Variants in RBM18 observed in about 807,000 individuals in gnomAD.
RBM18 encodes the protein RNA binding motif protein 18.
A neutral mutation model predicts 26.4 loss-of-function variants in RBM18; 18 were observed. That is an observed-to-expected ratio of 0.68 (90% CI 0.47 to 1.01). RBM18 has a LOEUF of 1.01. Ranked by LOEUF, RBM18 falls within the 50% of genes least tolerant of loss-of-function variation. The probability of loss-of-function intolerance (pLI) is 0.00; values close to 1 mark genes in which losing one functional copy is unlikely to be tolerated. For missense variants in RBM18, 180 were observed against 219.2 expected (o/e 0.82, Z 1.13); for synonymous variants, 74 against 81.1 (o/e 0.91, Z 0.47).
chr9:122,238,393 T>C lies in RBM18; in HGVS notation c.*3491A>G, dbSNP rs951953298. On this transcript the variant is annotated 3_prime_UTR_variant, in exon 6 of 6. Transcript: ENST00000417201. The stretch of plus-strand genomic sequence containing the variant: ...TTTGAGAAAATCGTGAGGAAAGGAT[T>C]GGAGAGTGACAGGTTGTAATTTTAA... 18 of 152,146 alleles carry C rather than the reference T, an allele frequency of 1.2e-4. No homozygotes were observed. The highest frequency in any genetic ancestry group is 4.1e-4 in the African/African-American group (17 of 41,430). 9.4% of individuals were successfully genotyped at this position (152,146 alleles called of 1,614,324 possible). A position where few individuals can be genotyped will look rare whatever the true frequency, so the allele number is the denominator to read the frequency against.
In RBM18 at chr9:122,250,068, T is replaced by TAAAAAAAA. The variant is rs59558933; in HGVS notation, c.240+1771_240+1778dup. ...CTGGGTAACAGAGCAAGACCTTATT[T>TAAAAAAAA]AAAAAAAAAAAAGAATGCTAATTCT... On this transcript the variant is annotated intron_variant, in intron 3 of 5. Coordinates refer to ENST00000417201, the MANE Select transcript of RBM18 (RefSeq NM_033117.4). Among the ~76,000 whole-genome samples, 74 of 107,152 alleles carry TAAAAAAAA rather than the reference T, an allele frequency of 6.9e-4. 26 individuals are homozygous for TAAAAAAAA. Among genetic ancestry groups the TAAAAAAAA allele is most frequent in the East Asian group, 2.7e-3 (10 of 3,662 alleles). 70.3% of individuals were successfully genotyped at this position (107,152 alleles called of 152,430 possible). A position where few individuals can be genotyped will look rare whatever the true frequency, so the allele number is the denominator to read the frequency against.
At chr9:122,242,087 T>G (rs1588376139) in intron 5 of RBM18, 44 bp from the exon 6 acceptor site, 1 of 1,597,596 alleles carries the variant, frequency 6.3e-7, no homozygotes, top group East Asian at 2.2e-5. Flanking sequence ...CTAGGTATAT[T>G]CAGAAAATAG....
rs948943475 is a variant in RBM18 at position 122,264,800 on chromosome 9, C to A, written c.-102G>T. 2 of 152,376 alleles carry A rather than the reference C, an allele frequency of 1.3e-5. No homozygotes were observed. Among genetic ancestry groups the A allele is most frequent in the African/African-American group, 4.8e-5 (2 of 41,454 alleles). 9.4% of individuals were successfully genotyped at this position (152,376 alleles called of 1,614,324 possible). ...TCAGACGGACCTCTAGACGCGTCCG[C>A]CTCAATGCCGCCAGCTGCCAGGCCG... On this transcript the variant is annotated 5_prime_UTR_variant, in exon 1 of 6. Coordinates refer to ENST00000417201, the MANE Select transcript of RBM18 (RefSeq NM_033117.4).
chr9:122,264,015 T>C (rs920521340), intron 1 of RBM18, among the ~76,000 whole-genome samples: 9 of 152,248 alleles, frequency 5.9e-5, no homozygotes, highest in Non-Finnish European at 1.0e-4. Context: ...TAATTCAATG[T>C]ATTACTTAAT....
chr9:122,243,118 G>A (rs1831450412), intron 5 of RBM18, among the ~76,000 whole-genome samples: 1 of 152,034 alleles, frequency 6.6e-6, no homozygotes, highest in African/African-American at 2.4e-5. Context: ...GTGAGCTACC[G>A]CGCCCAGCCC....
intron 2 of RBM18, among the ~76,000 whole-genome samples, chr9:122,254,029 A>G (rs556591576): frequency 6.8e-6 from 1 of 148,148 alleles, no homozygotes; most frequent in East Asian, 1.9e-4. Flanking sequence ...TTCCGTCTCA[A>G]AAAAAAAAAA....
intron 2 of RBM18, among the ~76,000 whole-genome samples, chr9:122,258,312 A>T (rs1231121980): frequency 6.6e-6 from 1 of 152,048 alleles, no homozygotes; most frequent in African/African-American, 2.4e-5. Context: ...TCTGTCGCCA[A>T]GGCTGGAGTG....
intron 3 of RBM18, among the ~76,000 whole-genome samples, chr9:122,249,705 T>C (rs1429693727): frequency 6.7e-6 from 1 of 148,200 alleles, no homozygotes; most frequent in African/African-American, 2.5e-5. Context: ...AGAGACCCTG[T>C]CTCAAAAAAA....
At chr9:122,252,120 G>T in intron 2 of RBM18, 147 bp from the exon 3 acceptor site, 2 of 1,006,354 alleles carry the variant, frequency 2.0e-6, no homozygotes, top group Non-Finnish European at 2.9e-6. Context: ...TGCTATGTTA[G>T]TTTATTTGGC....
intron 2 of RBM18, among the ~76,000 whole-genome samples, chr9:122,258,362 G>A (rs1044538649): frequency 1.2e-4 from 18 of 151,546 alleles, no homozygotes; most frequent in African/African-American, 3.6e-4. Flanking sequence ...TCTGCCCTCC[G>A]GGTTCAAGTG....
At chr9:122,248,863 T>C (rs1564455933) in intron 3 of RBM18, among the ~76,000 whole-genome samples, 6 of 152,244 alleles carry the variant, frequency 3.9e-5, no homozygotes, top group Admixed American at 3.9e-4. Flanking sequence ...CTGGTTTTAC[T>C]GGTGATTCTC....
intron 3 of RBM18, among the ~76,000 whole-genome samples, chr9:122,250,062 C>A: frequency 3.6e-4 from 1 of 2,782 alleles, no homozygotes. Context: ...AGAGCAAGAC[C>A]TTATTTAAAA....
intron 2 of RBM18, among the ~76,000 whole-genome samples, chr9:122,260,714 G>A (rs764482914): frequency 2.0e-5 from 3 of 152,168 alleles, no homozygotes; most frequent in Non-Finnish European, 4.4e-5. Flanking sequence ...GCCAAAGAAA[G>A]GGTAGTAGTT....
At chr9:122,248,217 A>C (rs1734419786) in intron 3 of RBM18, among the ~76,000 whole-genome samples, 1 of 152,204 alleles carries the variant, frequency 6.6e-6, no homozygotes, top group Admixed American at 6.5e-5. Flanking sequence ...ATAATGTATA[A>C]TCTTTAATAG....
chr9:122,264,562 G>A (rs1831920730), intron 1 of RBM18, 153 bp downstream of exon 1: 1 of 152,358 alleles, frequency 6.6e-6, no homozygotes, highest in African/African-American at 2.4e-5. Context: ...AATTCCTACA[G>A]GCGAAGGGTC....
intron 4 of RBM18, among the ~76,000 whole-genome samples, chr9:122,246,804 A>C (rs1193375336): frequency 6.6e-6 from 1 of 152,226 alleles, no homozygotes; most frequent in Admixed American, 6.5e-5. Context: ...TTGTGCAGGC[A>C]GGTTTTTCAA....
intron 3 of RBM18, among the ~76,000 whole-genome samples, chr9:122,247,968 A>G (rs1831532567): frequency 6.6e-6 from 1 of 151,864 alleles, no homozygotes; most frequent in Non-Finnish European, 1.5e-5. Flanking sequence ...TGTATTTTTT[A>G]GTAGAGACGG....
Position 122,245,153 on chromosome 9 carries a change from T to C in RBM18, c.413+103A>G, listed in dbSNP as rs1373980866. 8 of 716,746 alleles carry C rather than the reference T, an allele frequency of 1.1e-5. No individual in the cohort carries two copies. The African/African-American group carries it at 1.4e-4, about 13-fold the overall frequency. 44.4% of individuals were successfully genotyped at this position (716,746 alleles called of 1,614,324 possible). A position where few individuals can be genotyped will look rare whatever the true frequency, so the allele number is the denominator to read the frequency against. On this transcript the variant is annotated intron_variant, in intron 5 of 5. Coordinates refer to ENST00000417201, the MANE Select transcript of RBM18 (RefSeq NM_033117.4). ...ACATCTCTCTTGTCAAGTTAATAAA[T>C]TCTAAGAGTCTGAAGACTCACTATT...
chr9:122,261,156 G>C (rs900181361), intron 2 of RBM18, among the ~76,000 whole-genome samples: 15 of 152,022 alleles, frequency 9.9e-5, no homozygotes, highest in Admixed American at 9.2e-4. Context: ...GAAAAAAACA[G>C]GTATATGGAT....
Sources: gnomAD v4.1 joint callset for allele counts (sites outside exome capture counted in the v4.1 genomes callset) on GRCh38, gnomAD v4.1.1 for gene constraint, MANE v1.5 for transcripts, NCBI Gene and HGNC (gene_info 2026-07-23, HGNC 2026-07-21) for gene names.